The following TTLL11 variants were observed in gnomAD, a reference collection of about 807,000 sequenced individuals.
TTLL11 encodes the protein tubulin polyglutamylase TTLL11.
TTLL11 carries 42 observed loss-of-function variants against 51.7 expected under a neutral mutation model. The observed-to-expected ratio is 0.81, with a 90% CI of 0.64 to 1.05. TTLL11 has a LOEUF of 1.05. Ranked by LOEUF, TTLL11 falls within the 50% of genes least tolerant of loss-of-function variation. The pLI is 0.00. For synonymous variants in TTLL11, 381 were observed against 383.5 expected (o/e 0.99, Z 0.08); for missense variants, 799 against 940.4 (o/e 0.85, Z 1.97).
intron 8 of TTLL11, among the ~76,000 whole-genome samples, chr9:121,849,681 A>C (rs916809016): frequency 2.0e-4 from 31 of 152,364 alleles, no homozygotes; most frequent in South Asian, 1.2e-3. Context: ...GGAATTGCAA[A>C]GTAAGACAAT....
In TTLL11 at chr9:121,884,192, T is replaced by C. The variant is rs576357353; in HGVS notation, c.1482-13444A>G. Among the ~76,000 whole-genome samples the C allele has an allele frequency of 2.6e-5, 4 of 152,244 alleles. No homozygotes were observed. The East Asian group carries it at 5.8e-4, about 22-fold the overall frequency. The stretch of plus-strand genomic sequence containing the variant: ...AGGGACAGCCCTAAGGAGCAGTGTG[T>C]TTATGGCGACACAATGGCCAGACCC... On this transcript the variant is annotated intron_variant, in intron 6 of 8. Transcript: ENST00000321582.
At chr9:121,825,342 C>T (rs1334838809) in intron 8 of TTLL11, among the ~76,000 whole-genome samples, 1 of 152,086 alleles carries the variant, frequency 6.6e-6, no homozygotes, top group East Asian at 1.9e-4. Context: ...CTAAACAGCG[C>T]CACTCAAAGT....
At chr9:122,048,749 T>G (rs576807677) in intron 1 of TTLL11, among the ~76,000 whole-genome samples, 49 of 152,338 alleles carry the variant, frequency 3.2e-4, no homozygotes, top group Admixed American at 7.8e-4. Context: ...TGGGATCTTC[T>G]GACTGGGCTT....
chr9:122,040,521 A>C (rs143539217), intron 1 of TTLL11: 1 of 620,704 alleles, frequency 1.6e-6, no homozygotes, highest in East Asian at 1.4e-4. Context: ...GTTCATATTC[A>C]GAATTTGCTT....
At chr9:122,030,207 G>A (rs552300022) in intron 3 of TTLL11, among the ~76,000 whole-genome samples, 2 of 146,770 alleles carry the variant, frequency 1.4e-5, no homozygotes, top group South Asian at 2.4e-4. Context: ...GACATTGGGG[G>A]GGGGGGGGTA....
Position 121,899,370 on chromosome 9 carries a change from TATATATAC to T in TTLL11, c.1482-28630_1482-28623del, listed in dbSNP as rs1180641951. 4.6e-4 allele frequency among the ~76,000 whole-genome samples: 32 copies of T among 70,040 alleles called. 1 individual carries two copies. The highest frequency in any genetic ancestry group is 4.5e-3 in the South Asian group (6 of 1,320). The allele number at this position is 70,040 out of a possible 152,430, so 45.9% of individuals were successfully genotyped here. ...GTGTGTGTGTATGTGTGTGTGTATA[TATATATAC>T]ATATATATATATATATATATATATA... On this transcript the variant is annotated intron_variant, in intron 6 of 8. Transcript: ENST00000321582.
At chr9:122,002,625 T>C (rs1474364946) in intron 3 of TTLL11, among the ~76,000 whole-genome samples, 4 of 152,056 alleles carry the variant, frequency 2.6e-5, no homozygotes, top group Admixed American at 6.6e-5. Context: ...TGGGAAAACA[T>C]CCAGATTCCC....
At chr9:122,083,086 G>T (rs976311836) in intron 1 of TTLL11, among the ~76,000 whole-genome samples, 1 of 152,046 alleles carries the variant, frequency 6.6e-6, no homozygotes, top group African/African-American at 2.4e-5. Context: ...GTATATATTT[G>T]TATCTCTACA....
At chr9:122,038,731 T>C (rs1454348209) in intron 2 of TTLL11, among the ~76,000 whole-genome samples, 1 of 152,200 alleles carries the variant, frequency 6.6e-6, no homozygotes, top group African/African-American at 2.4e-5. Flanking sequence ...ATCTTAGTGC[T>C]GGCTATGATG....
intron 6 of TTLL11, among the ~76,000 whole-genome samples, chr9:121,887,713 A>T (rs1443829336): frequency 6.6e-6 from 1 of 152,238 alleles, no homozygotes; most frequent in Non-Finnish European, 1.5e-5. Flanking sequence ...GCGAGGGGAA[A>T]CTTGGGCCAA....
intron 6 of TTLL11, among the ~76,000 whole-genome samples, chr9:121,876,235 T>C (rs1838558974): frequency 6.6e-6 from 1 of 152,250 alleles, no homozygotes; most frequent in African/African-American, 2.4e-5. Context: ...TCAGAGACTT[T>C]TCTTCTTATG....
intron 6 of TTLL11, among the ~76,000 whole-genome samples, chr9:121,942,224 G>A (rs1841504171): frequency 6.6e-6 from 1 of 152,072 alleles, no homozygotes; most frequent in Non-Finnish European, 1.5e-5. Flanking sequence ...CCTGCCTTAG[G>A]GCCTCTGTGC....
chr9:122,040,973 G>A (rs1400598208), intron 1 of TTLL11, among the ~76,000 whole-genome samples: 4 of 152,338 alleles, frequency 2.6e-5, no homozygotes, highest in African/African-American at 9.6e-5. Flanking sequence ...GAATTAAGCA[G>A]GCTATCCGAG....
chr9:121,856,042 A>C (rs993489261), intron 8 of TTLL11, among the ~76,000 whole-genome samples: 6 of 152,170 alleles, frequency 3.9e-5, no homozygotes, highest in African/African-American at 1.4e-4. Flanking sequence ...CTGAAGTTAG[A>C]CTGGTTTTTA....
intron 6 of TTLL11, among the ~76,000 whole-genome samples, chr9:121,953,041 C>G (rs1026011439): frequency 6.6e-6 from 1 of 152,026 alleles, no homozygotes; most frequent in African/African-American, 2.4e-5. Flanking sequence ...AAGCTCTTTC[C>G]TAAGAAAAGA....
At chr9:122,050,400 T>C (rs184356539) in intron 1 of TTLL11, among the ~76,000 whole-genome samples, 6 of 152,228 alleles carry the variant, frequency 3.9e-5, no homozygotes, top group African/African-American at 1.4e-4. Flanking sequence ...GGCAGGTTAA[T>C]AGAGTTCTCT....
At chr9:121,872,610 TC>T (rs1219244911) in intron 6 of TTLL11, among the ~76,000 whole-genome samples, 1 of 152,144 alleles carries the variant, frequency 6.6e-6, no homozygotes, top group African/African-American at 2.4e-5. Flanking sequence ...GTACGAACGG[TC>T]CTCTCTTCAT....
At chr9:122,034,170 CG>C (rs1554786132) in intron 2 of TTLL11, among the ~76,000 whole-genome samples, 1 of 152,150 alleles carries the variant, frequency 6.6e-6, no homozygotes, top group Non-Finnish European at 1.5e-5. Flanking sequence ...GTCGTTGTGC[CG>C]GGGGAATGTT....
intron 7 of TTLL11, 131 bp downstream of exon 7, chr9:121,870,366 C>G: frequency 8.1e-7 from 1 of 1,237,336 alleles, no homozygotes; most frequent in Non-Finnish European, 1.1e-6. Flanking sequence ...TAGGCTAATC[C>G]AAGCTCAAAT....
Sources: allele counts gnomAD v4.1 joint callset (sites outside exome capture counted in the v4.1 genomes callset), GRCh38; gene constraint gnomAD v4.1.1; transcripts MANE v1.5; gene names NCBI Gene and HGNC (gene_info 2026-07-23, HGNC 2026-07-21).